PHF24: variants seen among roughly 807,000 people sequenced by gnomAD.
PHF24 encodes the protein Galpha inhibitory interacting protein.
A neutral mutation model predicts 42.6 loss-of-function variants in PHF24; 25 were observed. The observed-to-expected ratio is 0.59, with a 90% CI of 0.43 to 0.82. PHF24 has a LOEUF of 0.82. Among genes scored for constraint, PHF24 ranks in the 40% least tolerant of loss-of-function variants. The pLI is 0.00. For missense variants in PHF24, 470 were observed against 538.1 expected, an observed-to-expected ratio of 0.87 and a Z score of 1.25; for synonymous variants, 185 against 204.8, an observed-to-expected ratio of 0.90 and a Z score of 0.83.
chr9:34,702,327 G>A, the PHF24 span, among the ~76,000 whole-genome samples: 1 of 152,162 alleles, frequency 6.6e-6, no homozygotes, highest in South Asian at 2.1e-4. Flanking sequence ...GGCAGTGAGC[G>A]CCTCCCAGCA....
the PHF24 span, among the ~76,000 whole-genome samples, chr9:34,947,024 G>A: frequency 1.2e-4 from 19 of 152,040 alleles, no homozygotes; most frequent in Admixed American, 7.9e-4. Context: ...AGCAACCCTC[G>A]CCTTTAGAGA....
At chr9:34,892,369 G>A in the PHF24 span, among the ~76,000 whole-genome samples, 236 of 152,298 alleles carry the variant, frequency 1.5e-3, 1 homozygote, top group African/African-American at 5.4e-3. Context: ...CTTAGAGATA[G>A]CATTCAGAGT....
At chr9:34,735,292 T>C in the PHF24 span, among the ~76,000 whole-genome samples, 12 of 151,394 alleles carry the variant, frequency 7.9e-5, no homozygotes, top group South Asian at 2.1e-4. Context: ...CCCGCCACTA[T>C]GCCCAGCTAA....
the PHF24 span, among the ~76,000 whole-genome samples, chr9:34,847,389 T>C: frequency 6.6e-6 from 1 of 152,232 alleles, no homozygotes; most frequent in African/African-American, 2.4e-5. Flanking sequence ...ACTCATGATT[T>C]GGCTCTCTGT....
chr9:34,826,259 A>T, the PHF24 span, among the ~76,000 whole-genome samples: 2 of 152,096 alleles, frequency 1.3e-5, no homozygotes, highest in African/African-American at 4.8e-5. Flanking sequence ...GTCCCTAAGC[A>T]CTTTACATGC....
At chr9:34,966,688 T>C (rs1432338486) in intron 1 of PHF24, among the ~76,000 whole-genome samples, 1 of 152,132 alleles carries the variant, frequency 6.6e-6, no homozygotes, top group Non-Finnish European at 1.5e-5. Context: ...TGAGGTTGTT[T>C]CCACCTTTTT....
At chr9:34,878,228 G>T in the PHF24 span, among the ~76,000 whole-genome samples, 1 of 152,138 alleles carries the variant, frequency 6.6e-6, no homozygotes, top group Non-Finnish European at 1.5e-5. Flanking sequence ...CTGCTCTAAA[G>T]AATAAATTTT....
At chr9:34,936,798 G>GC in the PHF24 span, among the ~76,000 whole-genome samples, 1 of 147,960 alleles carries the variant, frequency 6.8e-6, no homozygotes. Flanking sequence ...CTGCCCAGCC[G>GC]CCCCGTCTGA....
the PHF24 span, among the ~76,000 whole-genome samples, chr9:34,818,785 A>G: frequency 6.6e-6 from 1 of 152,184 alleles, no homozygotes; most frequent in African/African-American, 2.4e-5. Flanking sequence ...CCCCGTCTAT[A>G]TAATTTTTTT....
chr9:34,966,914 T>A (rs1324595660), intron 1 of PHF24, among the ~76,000 whole-genome samples: 2 of 150,486 alleles, frequency 1.3e-5, no homozygotes, highest in East Asian at 3.9e-4. Flanking sequence ...CAATCAATCA[T>A]TTTTTTTTAA....
the PHF24 span, among the ~76,000 whole-genome samples, chr9:34,680,751 G>A: frequency 1.3e-5 from 2 of 151,570 alleles, no homozygotes; most frequent in African/African-American, 4.8e-5. Flanking sequence ...TACAAGAAGA[G>A]AATAATAAAT....
At chr9:34,878,174 T>C in the PHF24 span, among the ~76,000 whole-genome samples, 37 of 152,252 alleles carry the variant, frequency 2.4e-4, no homozygotes, top group African/African-American at 8.7e-4. Context: ...GGGGAATATA[T>C]AGGAACTCTC....
At chr9:34,760,317 A>T in the PHF24 span, among the ~76,000 whole-genome samples, 1 of 152,204 alleles carries the variant, frequency 6.6e-6, no homozygotes, top group Non-Finnish European at 1.5e-5. Context: ...TGTAAAGAAA[A>T]ATGTGACTGA....
the PHF24 span, among the ~76,000 whole-genome samples, chr9:34,737,171 C>A: frequency 6.6e-6 from 1 of 152,120 alleles, no homozygotes; most frequent in Non-Finnish European, 1.5e-5. Context: ...CAAAGAGAAA[C>A]CCTGTATTTA....
the PHF24 span, among the ~76,000 whole-genome samples, chr9:34,940,544 G>T: frequency 2.3e-4 from 35 of 152,122 alleles, no homozygotes; most frequent in Non-Finnish European, 4.7e-4. Context: ...TTGAGGCCAG[G>T]AGTTTTAAGA....
At chr9:34,726,807 A>G in the PHF24 span, 1 of 1,551,744 alleles carries the variant, frequency 6.4e-7, no homozygotes, top group South Asian at 1.2e-5. Context: ...GACATACTAG[A>G]CGTAGACAGC....
At chr9:34,908,056 T>C in the PHF24 span, among the ~76,000 whole-genome samples, 2 of 152,116 alleles carry the variant, frequency 1.3e-5, no homozygotes, top group South Asian at 2.1e-4. Context: ...TTGGTCAGGC[T>C]GGTCTCGAAC....
the PHF24 span, among the ~76,000 whole-genome samples, chr9:34,755,636 T>C: frequency 9.2e-5 from 14 of 151,744 alleles, no homozygotes; most frequent in African/African-American, 3.4e-4. Context: ...TAATTATGAT[T>C]ATTAATATTT....
At chr9:34,738,785 C>T in the PHF24 span, among the ~76,000 whole-genome samples, 2 of 152,132 alleles carry the variant, frequency 1.3e-5, no homozygotes, top group Non-Finnish European at 2.9e-5. Flanking sequence ...CTTACAGCTC[C>T]CCAGCTTATG....
Sources: gnomAD v4.1 joint callset for allele counts (sites outside exome capture counted in the v4.1 genomes callset) on GRCh38, gnomAD v4.1.1 for gene constraint, MANE v1.5 for transcripts, NCBI Gene and HGNC (gene_info 2026-07-23, HGNC 2026-07-21) for gene names.